NPAS4: variants seen among roughly 807,000 people sequenced by gnomAD.
NPAS4 encodes neuronal PAS domain protein 4.
A neutral mutation model predicts 64.0 loss-of-function variants in NPAS4; 10 were observed. The ratio of observed to expected loss-of-function variants is 0.16; its 90% CI spans 0.10 to 0.26. The LOEUF (loss-of-function observed/expected upper bound fraction) is 0.26. Among genes scored for constraint, NPAS4 ranks in the 10% least tolerant of loss-of-function variants. The pLI is 1.00. For missense variants in NPAS4, 886 were observed against 992.6 expected, an observed-to-expected ratio of 0.89 and a Z score of 1.44; for synonymous variants, 441 against 411.7, an observed-to-expected ratio of 1.07 and a Z score of -0.86.
chr11:66,421,741 T>C (rs1179489348), intron 1 of NPAS4, among the ~76,000 whole-genome samples: 1 of 152,202 alleles, frequency 6.6e-6, no homozygotes. Flanking sequence ...GGATCTCCTG[T>C]CGCCTTCGGG....
rs757509269 is a variant in NPAS4, at chr11:66,422,263, C to A, written c.319C>A (p.His107Asn). Residue 107 changes from histidine to asparagine, a missense_variant, in exon 2 of 8, where the codon CAC becomes AAC. Transcript: ENST00000311034. The stretch of plus-strand genomic sequence containing the variant: ...TGAGAGTGTGAGCGAGCATCTGGGC[C>A]ACTCCATGGTGAGTGCTAAGGGTCC... ...LSESVSEHLGHSMVDLVAQGD... is the reference protein window; with the variant it reads ...LSESVSEHLGNSMVDLVAQGD... 1 of 1,614,000 alleles carries A rather than the reference C, an allele frequency of 6.2e-7. No homozygotes were observed. The highest frequency in any genetic ancestry group is 1.7e-5 in the Admixed American group (1 of 60,018).
chr11:66,417,843 A>G (rs187898300), upstream of NPAS4, among the ~76,000 whole-genome samples: 3 of 152,324 alleles, frequency 2.0e-5, no homozygotes, highest in South Asian at 2.1e-4. Context: ...AGATGCAGGC[A>G]TAGGTAAACA....
chr11:66,415,226 A>C, the NPAS4 span, among the ~76,000 whole-genome samples: 1 of 152,202 alleles, frequency 6.6e-6, no homozygotes, highest in Non-Finnish European at 1.5e-5. Flanking sequence ...ACATCTCCAC[A>C]GCCACAAAAG....
Position 66,424,894 on chromosome 11 carries a change from G to T in NPAS4, c.2004G>T (p.Leu668=), listed in dbSNP as rs267603126. The change falls in exon 7 of 8, where the codon CTG becomes CTT. Residue 668 remains leucine (L), a synonymous_variant. Coordinates refer to ENST00000311034, the MANE Select transcript of NPAS4 (RefSeq NM_178864.4). ...GLEPLGGLEP[L]DSNLSLSGAG... is the part of the protein sequence containing the mutation. ...AGCCACTTGGAGGACTGGAGCCCCTGGACTCCAACCTGTCCCTGTCAGGGG... is the reference window on the plus strand; with the variant it reads ...AGCCACTTGGAGGACTGGAGCCCCTTGACTCCAACCTGTCCCTGTCAGGGG... The T allele has an allele frequency of 1.5e-4, 246 of 1,613,566 alleles. 2 individuals are homozygous for T. In the South Asian group the frequency reaches 2.5e-3, roughly 16 times the overall value.
At chr11:66,425,547 T>C (rs867195527) in intron 7 of NPAS4, among the ~76,000 whole-genome samples, 1 of 152,100 alleles carries the variant, frequency 6.6e-6, no homozygotes, top group South Asian at 2.1e-4. Flanking sequence ...CCTAGATCAG[T>C]CTTCAGCACC....
rs775053198 is a variant in NPAS4, at chr11:66,424,038, T to C, written c.1148T>C (p.Val383Ala). 20 of 1,614,010 alleles carry C rather than the reference T, an allele frequency of 1.2e-5. No homozygotes were observed. In the Admixed American group the frequency reaches 2.5e-4, roughly 20 times the overall value. Residue 383 changes from valine to alanine, a missense_variant, in exon 7 of 8, where the codon GTT becomes GCT. Around this residue, in one of 3 missense-constraint regions of NPAS4, gnomAD observed 820 missense variants for 855.5 expected, o/e 0.96. Transcript: ENST00000311034. Reference sequence around the variant, plus strand: ...TTCCCCAGTGCTCCTGAACTGAGTGTTGTCTCTGCATCAGAAGAGCTTCCC... The same window carrying C: ...TTCCCCAGTGCTCCTGAACTGAGTGCTGTCTCTGCATCAGAAGAGCTTCCC... ...TSFPSAPELS[V>A]VSASEELPRP...
upstream of NPAS4, among the ~76,000 whole-genome samples, chr11:66,418,230 A>G (rs1375616141): frequency 6.6e-6 from 1 of 152,060 alleles, no homozygotes; most frequent in Non-Finnish European, 1.5e-5. Flanking sequence ...TCAGGCTTCT[A>G]ATTCTTAGCT....
the NPAS4 span, among the ~76,000 whole-genome samples, chr11:66,414,530 C>T: frequency 5.9e-5 from 9 of 152,128 alleles, no homozygotes; most frequent in South Asian, 4.2e-4. Flanking sequence ...CAGCTCTGGC[C>T]GTCTCAATGC....
At position 66,424,323 on chromosome 11, in the gene NPAS4, C is replaced by T; in HGVS notation, c.1433C>T (p.Pro478Leu). ...DQLTPSSATF[P>L]DPLTSPLQGQ... The stretch of plus-strand genomic sequence containing the variant: ...TTGACGCCCAGCAGTGCAACCTTCC[C>T]AGATCCACTAACTAGCCCACTGCAA... The change falls in exon 7 of 8, where the codon CCA becomes CTA. Residue 478 changes from proline (P) to leucine (L), a missense_variant. Physicochemically the swap from Pro to Leu is moderately conservative, Grantham distance 98. Around this residue, in one of 3 missense-constraint regions of NPAS4, gnomAD observed 820 missense variants for 855.5 expected, o/e 0.96. Coordinates refer to ENST00000311034, the MANE Select transcript of NPAS4 (RefSeq NM_178864.4). The T allele has an allele frequency of 6.2e-7, 1 of 1,614,186 alleles. No individual in the cohort carries two copies. Among genetic ancestry groups the T allele is most frequent in the Non-Finnish European group, 8.5e-7 (1 of 1,180,046 alleles).
At position 66,424,408 on chromosome 11, in the gene NPAS4, C is replaced by T; in HGVS notation, c.1518C>T (p.Ser506=). ...SYEDQLTPCT[S]TFPDQLLPST... is the part of the protein sequence containing the mutation. ...AAGACCAGTTGACTCCCTGCACCTC[C>T]ACCTTCCCAGACCAGCTGCTTCCCA... Residue 506 remains serine (S), a synonymous_variant, in exon 7 of 8, where the codon TCC becomes TCT. Coordinates refer to ENST00000311034, the MANE Select transcript of NPAS4 (RefSeq NM_178864.4). 1.2e-6 allele frequency: 2 copies of T among 1,614,128 alleles called. No individual in the cohort carries two copies. The highest frequency in any genetic ancestry group is 1.7e-6 in the Non-Finnish European group (2 of 1,180,004).
At chr11:66,419,377 C>T (rs1856703929), upstream of NPAS4, among the ~76,000 whole-genome samples, 1 of 152,200 alleles carries the variant, frequency 6.6e-6, no homozygotes, top group South Asian at 2.1e-4. Context: ...CCCACTCTAC[C>T]TCTCTTACTA....
chr11:66,423,769 A>G, intron 6 of NPAS4, 56 bp downstream of exon 6: 1 of 1,610,410 alleles, frequency 6.2e-7, no homozygotes, highest in East Asian at 2.2e-5. Context: ...GAGGAGACAC[A>G]AATCAGGGAA....
At chr11:66,420,829 C>A (rs1356301366), upstream of NPAS4, among the ~76,000 whole-genome samples, 2 of 152,150 alleles carry the variant, frequency 1.3e-5, no homozygotes, top group African/African-American at 4.8e-5. Context: ...GCCTCCTGCT[C>A]CCCCCTCGCC....
rs1270569460 is a variant in NPAS4 at position 66,422,809 on chromosome 11, C to T, written c.566C>T (p.Thr189Ile). Residue 189 changes from threonine (T) to isoleucine (I), a missense_variant, in exon 4 of 8, where the codon ACA (threonine) becomes ATA (isoleucine). Physicochemically the swap from Thr to Ile is moderately conservative, Grantham distance 89. Coordinates refer to ENST00000311034, the MANE Select transcript of NPAS4 (RefSeq NM_178864.4). Reference sequence around the variant, plus strand: ...TACTGGGCAGGAAATCCCGTGTTCACAGCTTTCTGTGCCCCTCTGGAGCCG... The same window carrying T: ...TACTGGGCAGGAAATCCCGTGTTCATAGCTTTCTGTGCCCCTCTGGAGCCG... ...GAYWAGNPVF[T>I]AFCAPLEPRP... 1 of 1,614,196 alleles carries T rather than the reference C, an allele frequency of 6.2e-7. No homozygotes were observed. The highest frequency in any genetic ancestry group is 8.5e-7 in the Non-Finnish European group (1 of 1,180,050).
the NPAS4 span, chr11:66,409,876 G>C: frequency 1.3e-5 from 2 of 152,338 alleles, no homozygotes; most frequent in Non-Finnish European, 2.9e-5. Flanking sequence ...CTGGACCTGG[G>C]CGGACTTTTT....
chr11:66,422,171 A>G lies in NPAS4; in HGVS notation c.227A>G (p.Asp76Gly), dbSNP rs375327335. The G allele has an allele frequency of 1.9e-6, 3 of 1,614,136 alleles. No individual in the cohort carries two copies. Among genetic ancestry groups the G allele is most frequent in the Non-Finnish European group, 8.5e-7 (1 of 1,180,022 alleles). ...CTTCTCTCAGCTCAAGAGCTTGAGG[A>G]CATCGTAGCGGCACTACCCGGCTTT... is the stretch of plus-strand genomic sequence containing the variant. ...TGLLSAQELE[D>G]IVAALPGFLL... The change falls in exon 2 of 8, where the codon GAC becomes GGC. Residue 76 changes from aspartate (D) to glycine (G), a missense_variant. Asp to Gly is a moderately conservative substitution (Grantham distance 94, BLOSUM62 -1). This residue lies in a region of NPAS4 where 820 missense variants were observed against 855.5 expected (regional missense o/e 0.96). Coordinates refer to ENST00000311034, the MANE Select transcript of NPAS4 (RefSeq NM_178864.4).
At chr11:66,412,857 T>C in the NPAS4 span, among the ~76,000 whole-genome samples, 2 of 152,226 alleles carry the variant, frequency 1.3e-5, no homozygotes, top group Admixed American at 1.3e-4. Context: ...CCCACTGGCC[T>C]TTCCACGTGG....
At position 66,421,298 on chromosome 11, in the gene NPAS4, T is replaced by G; in HGVS notation, c.119T>G (p.Leu40Arg). 6.2e-7 allele frequency: 1 copy of G among 1,614,130 alleles called. No homozygotes were observed. ...AEADKVRLSYLHIMSLACIYT... is the reference protein window; with the variant it reads ...AEADKVRLSYRHIMSLACIYT... Reference sequence around the variant, plus strand: ...GCGGACAAGGTCCGGCTGTCCTACCTGCACATCATGAGCCTCGCCTGCATC... The same window carrying G: ...GCGGACAAGGTCCGGCTGTCCTACCGGCACATCATGAGCCTCGCCTGCATC... Residue 40 changes from leucine (L) to arginine (R), a missense_variant, in exon 1 of 8, where the codon CTG becomes CGG. By Grantham distance (102) the Leu-to-Arg change is moderately radical. This residue lies in a region of NPAS4 where 38 missense variants were observed against 80.1 expected (regional missense o/e 0.47). Coordinates refer to ENST00000311034, the MANE Select transcript of NPAS4 (RefSeq NM_178864.4).
rs1856808391 is a variant in NPAS4, at chr11:66,424,496, A to C, written c.1606A>C (p.Thr536Pro). ...PAHEQLTPPS[T>P]AFQAHLDSPS... Reference sequence around the variant, plus strand: ...CCATGAACAGCTGACTCCTCCCAGCACAGCATTCCAAGCACACCTGGACAG... The same window carrying C: ...CCATGAACAGCTGACTCCTCCCAGCCCAGCATTCCAAGCACACCTGGACAG... The change falls in exon 7 of 8, where the codon ACA (threonine) becomes CCA (proline). Residue 536 changes from threonine to proline, a missense_variant. Around this residue, in one of 3 missense-constraint regions of NPAS4, gnomAD observed 820 missense variants for 855.5 expected, o/e 0.96. Coordinates refer to ENST00000311034, the MANE Select transcript of NPAS4 (RefSeq NM_178864.4). The C allele has an allele frequency of 6.2e-7, 1 of 1,614,104 alleles. No homozygotes were observed. Among genetic ancestry groups the C allele is most frequent in the Non-Finnish European group, 8.5e-7 (1 of 1,180,028 alleles).
Sources: gnomAD v4.1 joint callset for allele counts (sites outside exome capture counted in the v4.1 genomes callset) on GRCh38, gnomAD v4.1.1 for gene constraint, gnomAD v4.1.1 regional missense constraint, MANE v1.5 for transcripts, NCBI Gene and HGNC (gene_info 2026-07-23, HGNC 2026-07-21) for gene names.